NXT1: variants seen among roughly 807,000 people sequenced by gnomAD.
NXT1 encodes nuclear transport factor 2 like export factor 1.
NXT1 carries 3 observed loss-of-function variants against 9.9 expected under a neutral mutation model. That is an observed-to-expected ratio of 0.30 (90% CI 0.14 to 0.79). The LOEUF is 0.79. Among genes scored for constraint, NXT1 ranks in the 30% least tolerant of loss-of-function variants. The pLI is 0.63. For synonymous variants in NXT1, 53 were observed against 66.5 expected (o/e 0.80, Z 0.99); for missense variants, 91 against 178.2 (o/e 0.51, Z 2.79).
chr20:23,351,134 T>G (rs1980251457), intron 1 of NXT1, 73 bp downstream of exon 1: 1 of 152,004 alleles, frequency 6.6e-6, no homozygotes, highest in East Asian at 2.0e-4. Flanking sequence ...TCCTCCATTG[T>G]CGAGAATGAG....
intron 1 of NXT1, among the ~76,000 whole-genome samples, chr20:23,352,060 C>CT (rs997200259): frequency 2.0e-5 from 3 of 151,470 alleles, no homozygotes; most frequent in African/African-American, 7.3e-5. Flanking sequence ...CATGTAGAGG[C>CT]TTTTTTTTTC....
rs551830460 is a variant in NXT1 at position 23,351,979 on chromosome 20, G to A, written c.-62+918G>A. Among the ~76,000 whole-genome samples the A allele has an allele frequency of 1.1e-4, 16 of 152,286 alleles. No individual in the cohort carries two copies. In the South Asian group the frequency reaches 3.1e-3, roughly 30 times the overall value. Reference sequence around the variant, plus strand: ...ACAGCGCTTCTTAGTCGTGGGTTCCGCGTGGGGTGGATTCAACCAACCTCA... The same window carrying A: ...ACAGCGCTTCTTAGTCGTGGGTTCCACGTGGGGTGGATTCAACCAACCTCA... On this transcript the variant is annotated intron_variant, in intron 1 of 1. Coordinates refer to ENST00000254998, the MANE Select transcript of NXT1 (RefSeq NM_013248.3).
intron 1 of NXT1, among the ~76,000 whole-genome samples, chr20:23,351,884 T>G (rs985997017): frequency 6.6e-6 from 1 of 152,250 alleles, no homozygotes; most frequent in South Asian, 2.1e-4. Context: ...AAAATTGTTA[T>G]AGTAATACCT....
chr20:23,352,193 A>G (rs539891054), intron 1 of NXT1, among the ~76,000 whole-genome samples: 94 of 152,364 alleles, frequency 6.2e-4, no homozygotes, highest in Non-Finnish European at 1.1e-3. Context: ...CATAGGTTAT[A>G]TCAAACAGTA....
chr20:23,350,794 T>C lies in NXT1; in HGVS notation c.-329T>C, dbSNP rs1980233077. The C allele has an allele frequency of 6.6e-6, 1 of 152,200 alleles. No homozygotes were observed. The highest frequency in any genetic ancestry group is 2.4e-5 in the African/African-American group (1 of 41,446). 9.4% of individuals were successfully genotyped at this position (152,200 alleles called of 1,614,324 possible). On this transcript the variant is annotated 5_prime_UTR_variant, in exon 1 of 2. Transcript: ENST00000254998. ...AGAGGGCGGCGCCGGGGCGCTCGCGTCTGCGTGGAGACCGGCTGGCCGCGC... is the reference window on the plus strand; with the variant it reads ...AGAGGGCGGCGCCGGGGCGCTCGCGCCTGCGTGGAGACCGGCTGGCCGCGC...
At chr20:23,353,797 G>A (rs890718062) in intron 1 of NXT1, among the ~76,000 whole-genome samples, 184 bp from the exon 2 acceptor site, 1 of 152,174 alleles carries the variant, frequency 6.6e-6, no homozygotes, top group Non-Finnish European at 1.5e-5. Flanking sequence ...CATCTTAACA[G>A]TGAGCAAACT....
chr20:23,351,380 A>T (rs911578647), intron 1 of NXT1: 2 of 152,380 alleles, frequency 1.3e-5, no homozygotes, highest in Non-Finnish European at 2.9e-5. Context: ...ATCTCCGGAC[A>T]CTCGACGGTG....
Position 23,354,147 on chromosome 20 carries a change from TC to T in NXT1, c.109del (p.Arg37AlafsTer22). On this transcript the variant is annotated frameshift_variant, in exon 2 of 2. Transcript: ENST00000254998. LOFTEE classifies it high-confidence loss of function. ...CATGGATAAGCGGCGGCGTTTGCTG[TC>T]CCGCCTGTACATGGGCACAGCCACC... ...TTMDKRRRLLSRLYMGTATLV... is the reference protein window; with the variant it reads ...TTMDKRRRLLXRLYMGTATLV... The T allele has an allele frequency of 6.2e-7, 1 of 1,614,112 alleles. No individual in the cohort carries two copies.
rs953252849 is a variant in NXT1 at position 23,354,547 on chromosome 20, A to G, written c.*83A>G. 2.8e-6 allele frequency: 4 copies of G among 1,441,380 alleles called. No individual in the cohort carries two copies. The highest frequency in any genetic ancestry group is 3.7e-6 in the Non-Finnish European group (4 of 1,071,410). The allele number at this position is 1,441,380 out of a possible 1,614,324, so 89.3% of individuals were successfully genotyped here. A position where few individuals can be genotyped will look rare whatever the true frequency, so the allele number is the denominator to read the frequency against. ...ACCTCGACTCTCAAGGATGTGAGGA[A>G]CACAAGTTCATTTCTGTTGTTGCGG... is the stretch of plus-strand genomic sequence containing the variant. On this transcript the variant is annotated 3_prime_UTR_variant, in exon 2 of 2. Coordinates refer to ENST00000254998, the MANE Select transcript of NXT1 (RefSeq NM_013248.3).
chr20:23,354,423 A>G lies in NXT1; in HGVS notation c.382A>G (p.Ile128Val). The G allele has an allele frequency of 6.2e-7, 1 of 1,614,102 alleles. No homozygotes were observed. The highest frequency in any genetic ancestry group is 8.5e-7 in the Non-Finnish European group (1 of 1,179,984). The change falls in exon 2 of 2, where the codon ATC (isoleucine) becomes GTC (valine). Residue 128 changes from isoleucine to valine, a missense_variant. Physicochemically the swap from Ile to Val is conservative, Grantham distance 29. Coordinates refer to ENST00000254998, the MANE Select transcript of NXT1 (RefSeq NM_013248.3). ...QASPSNTVWKIASDCFRFQDW... is the reference protein window; with the variant it reads ...QASPSNTVWKVASDCFRFQDW... ...CTCACCCAGCAACACAGTGTGGAAG[A>G]TCGCAAGTGACTGCTTCCGCTTCCA... is the stretch of plus-strand genomic sequence containing the variant.
rs570540527 is a variant in NXT1, at chr20:23,354,621, C to T, written c.*157C>T. 40 of 787,076 alleles carry T rather than the reference C, an allele frequency of 5.1e-5. No homozygotes were observed. Among genetic ancestry groups the T allele is most frequent in the Non-Finnish European group, 1.8e-5 (9 of 498,192 alleles). 48.8% of individuals were successfully genotyped at this position (787,076 alleles called of 1,614,324 possible). A position where few individuals can be genotyped will look rare whatever the true frequency, so the allele number is the denominator to read the frequency against. The stretch of plus-strand genomic sequence containing the variant: ...CGAGGTTGAACTCTTTTTTGTTGCT[C>T]AAGTTCTAGGAGTCCCTTTCCTGAA... On this transcript the variant is annotated 3_prime_UTR_variant, in exon 2 of 2. Coordinates refer to ENST00000254998, the MANE Select transcript of NXT1 (RefSeq NM_013248.3).
intron 1 of NXT1, among the ~76,000 whole-genome samples, chr20:23,352,928 A>G (rs1980313467): frequency 6.6e-6 from 1 of 152,162 alleles, no homozygotes; most frequent in African/African-American, 2.4e-5. Context: ...CATGGGGATT[A>G]TGGCTGCCAT....
At position 23,353,134 on chromosome 20, in the gene NXT1, A is replaced by G. The variant is rs542867705; in HGVS notation, c.-61-847A>G. 1.5e-3 allele frequency among the ~76,000 whole-genome samples: 230 copies of G among 152,354 alleles called. 1 individual carries two copies. The highest frequency in any genetic ancestry group is 3.4e-3 in the Middle Eastern group (1 of 294). On this transcript the variant is annotated intron_variant, in intron 1 of 1. Transcript: ENST00000254998. ...TCAACATGGTCCACTGTCTTTACCA[A>G]GGGGCTGTCATGTCTGTTGCAAGCA... is the stretch of plus-strand genomic sequence containing the variant.
chr20:23,351,235 G>A (rs77918942), intron 1 of NXT1, 174 bp downstream of exon 1: 4 of 152,334 alleles, frequency 2.6e-5, no homozygotes, highest in Admixed American at 6.5e-5. Context: ...TCTCATCAAC[G>A]AGGGGAGGCG....
Position 23,354,575 on chromosome 20 carries a change from A to G in NXT1, c.*111A>G. 8.2e-7 allele frequency: 1 copy of G among 1,225,536 alleles called. No individual in the cohort carries two copies. Among genetic ancestry groups the G allele is most frequent in the Non-Finnish European group, 1.1e-6 (1 of 887,970 alleles). 75.9% of individuals were successfully genotyped at this position (1,225,536 alleles called of 1,614,324 possible). ...CAAGTTCATTTCTGTTGTTGCGGAG[A>G]CACTGCAGACTCCACTGTGCCGAGG... On this transcript the variant is annotated 3_prime_UTR_variant, in exon 2 of 2. Transcript: ENST00000254998.
chr20:23,351,580 CA>C (rs1410165439), intron 1 of NXT1: 1 of 152,172 alleles, frequency 6.6e-6, no homozygotes, highest in Non-Finnish European at 1.5e-5. Flanking sequence ...GAAAGACAGC[CA>C]GGGGCGGAGA....
intron 1 of NXT1, among the ~76,000 whole-genome samples, chr20:23,352,098 A>G (rs560676814): frequency 6.6e-6 from 1 of 152,218 alleles, no homozygotes; most frequent in South Asian, 2.1e-4. Flanking sequence ...ACTATACAGT[A>G]TAACAACTAT....
chr20:23,353,736 T>C (rs932205467), intron 1 of NXT1, among the ~76,000 whole-genome samples: 3 of 152,210 alleles, frequency 2.0e-5, no homozygotes, highest in African/African-American at 7.2e-5. Flanking sequence ...CTAAATGTTT[T>C]TAAACTAAAC....
chr20:23,354,581 C>A lies in NXT1; in HGVS notation c.*117C>A. 4 of 1,176,552 alleles carry A rather than the reference C, an allele frequency of 3.4e-6. No homozygotes were observed. The highest frequency in any genetic ancestry group is 3.5e-6 in the Non-Finnish European group (3 of 845,574). 72.9% of individuals were successfully genotyped at this position (1,176,552 alleles called of 1,614,324 possible). A position where few individuals can be genotyped will look rare whatever the true frequency, so the allele number is the denominator to read the frequency against. On this transcript the variant is annotated 3_prime_UTR_variant, in exon 2 of 2. Transcript: ENST00000254998. Reference sequence around the variant, plus strand: ...CATTTCTGTTGTTGCGGAGACACTGCAGACTCCACTGTGCCGAGGTTGAAC... The same window carrying A: ...CATTTCTGTTGTTGCGGAGACACTGAAGACTCCACTGTGCCGAGGTTGAAC...
Sources: gnomAD v4.1 joint callset for allele counts (sites outside exome capture counted in the v4.1 genomes callset) on GRCh38, gnomAD v4.1.1 for gene constraint, MANE v1.5 for transcripts, NCBI Gene and HGNC (gene_info 2026-07-23, HGNC 2026-07-21) for gene names.